Variants in DPYD observed in about 807,000 individuals in gnomAD.
DPYD encodes dihydropyrimidine dehydrogenase [NADP(+)].
A neutral mutation model predicts 116.2 loss-of-function variants in DPYD; 109 were observed. The ratio of observed to expected loss-of-function variants is 0.94; its 90% CI spans 0.80 to 1.10. The LOEUF (loss-of-function observed/expected upper bound fraction) is 1.10, where lower values mean the gene tolerates loss of function less well. Ranked by LOEUF, DPYD falls within the 50% of genes least tolerant of loss-of-function variation. The pLI is 0.00. For missense variants in DPYD, 1,302 were observed against 1,254.5 expected, an observed-to-expected ratio of 1.04 and a Z score of -0.57; for synonymous variants, 440 against 432.0, an observed-to-expected ratio of 1.02 and a Z score of -0.23.
chr1:97,248,028 G>A (rs761593006), intron 18 of DPYD, among the ~76,000 whole-genome samples: 5 of 152,142 alleles, frequency 3.3e-5, no homozygotes, highest in Non-Finnish European at 4.4e-5. Context: ...GTATAATCTT[G>A]ATATTGAAAC....
chr1:97,748,271 T>C lies in DPYD; in HGVS notation c.234-7792A>G, dbSNP rs1265621821. ...TTTGACCATGTAGAGATTAGTATAA[T>C]AGATAGATAGAATGAAGATAGATTA... On this transcript the variant is annotated intron_variant, in intron 3 of 22. Transcript: ENST00000370192. 2.6e-5 allele frequency among the ~76,000 whole-genome samples: 4 copies of C among 152,044 alleles called. No homozygotes were observed. In the East Asian group the frequency reaches 7.7e-4, roughly 29 times the overall value.
At chr1:97,101,899 T>C (rs1395847046) in intron 20 of DPYD, among the ~76,000 whole-genome samples, 1 of 151,978 alleles carries the variant, frequency 6.6e-6, no homozygotes, top group Non-Finnish European at 1.5e-5. Context: ...GATTCATCAT[T>C]GATGAATTTG....
At chr1:97,747,665 T>A (rs1571292326) in intron 3 of DPYD, among the ~76,000 whole-genome samples, 1 of 152,226 alleles carries the variant, frequency 6.6e-6, no homozygotes, top group African/African-American at 2.4e-5. Flanking sequence ...GTACATAGCA[T>A]ATATGCATGG....
At chr1:97,466,009 C>T (rs1570778706) in intron 13 of DPYD, among the ~76,000 whole-genome samples, 1 of 152,190 alleles carries the variant, frequency 6.6e-6, no homozygotes, top group East Asian at 1.9e-4. Flanking sequence ...GCTGAGGTGG[C>T]AGGATGGCTT....
chr1:97,869,530 T>C (rs1671557223), intron 2 of DPYD, among the ~76,000 whole-genome samples: 1 of 151,746 alleles, frequency 6.6e-6, no homozygotes, highest in Non-Finnish European at 1.5e-5. Flanking sequence ...AGCTCTTTGC[T>C]CTTTGCTCTC....
chr1:97,866,045 T>G (rs1671358136), intron 2 of DPYD, among the ~76,000 whole-genome samples: 1 of 152,052 alleles, frequency 6.6e-6, no homozygotes, highest in Admixed American at 6.6e-5. Context: ...TTTCTCTAAT[T>G]TGATAATAGA....
chr1:97,604,351 C>T (rs892093939), intron 8 of DPYD, among the ~76,000 whole-genome samples: 3 of 152,082 alleles, frequency 2.0e-5, no homozygotes, highest in Admixed American at 6.6e-5. Context: ...CATAAAATAG[C>T]TCTGTCATAC....
chr1:97,868,605 T>C (rs551348613), intron 2 of DPYD, among the ~76,000 whole-genome samples: 8 of 151,890 alleles, frequency 5.3e-5, no homozygotes, highest in African/African-American at 1.9e-4. Flanking sequence ...ATAATGTAGT[T>C]AGATTACCAT....
At chr1:97,378,749 T>C (rs1359468206) in intron 15 of DPYD, among the ~76,000 whole-genome samples, 1 of 152,160 alleles carries the variant, frequency 6.6e-6, no homozygotes, top group African/African-American at 2.4e-5. Flanking sequence ...GTGCTTGGAA[T>C]TGAGGATTAA....
At chr1:97,217,996 T>C (rs956031892) in intron 19 of DPYD, among the ~76,000 whole-genome samples, 1 of 152,166 alleles carries the variant, frequency 6.6e-6, no homozygotes, top group Non-Finnish European at 1.5e-5. Context: ...TTTATAGAGG[T>C]TAAATAATTA....
At chr1:97,555,580 A>T (rs544288636) in intron 11 of DPYD, among the ~76,000 whole-genome samples, 1 of 152,146 alleles carries the variant, frequency 6.6e-6, no homozygotes, top group Non-Finnish European at 1.5e-5. Context: ...CAAAACTTCT[A>T]TAGACTTGAC....
intron 12 of DPYD, among the ~76,000 whole-genome samples, chr1:97,531,969 C>T (rs1220722219): frequency 6.6e-6 from 1 of 151,938 alleles, no homozygotes; most frequent in African/African-American, 2.4e-5. Context: ...TGATTTGAAT[C>T]CTGCAACTTT....
At chr1:97,549,112 T>A (rs889559041) in intron 12 of DPYD, among the ~76,000 whole-genome samples, 7 of 152,012 alleles carry the variant, frequency 4.6e-5, no homozygotes, top group African/African-American at 1.7e-4. Flanking sequence ...GTTGTCCAGG[T>A]TGAAGTGCAA....
chr1:97,632,119 C>T (rs901887838), intron 8 of DPYD, among the ~76,000 whole-genome samples: 1 of 152,018 alleles, frequency 6.6e-6, no homozygotes, highest in Non-Finnish European at 1.5e-5. Flanking sequence ...GCATATCAAG[C>T]AGGTTTTCAT....
chr1:97,129,077 T>TCTTTCTTTTTTTTC (rs34774035), intron 20 of DPYD, among the ~76,000 whole-genome samples: 1 of 151,432 alleles, frequency 6.6e-6, no homozygotes, highest in Non-Finnish European at 1.5e-5. Flanking sequence ...TTCTTTTTTT[T>TCTTTCTTTTTTTTC]TTTTTTTTAT....
chr1:97,286,808 G>C (rs1378869394), intron 18 of DPYD, among the ~76,000 whole-genome samples: 1 of 152,144 alleles, frequency 6.6e-6, no homozygotes. Context: ...GGTTATTCTA[G>C]TTATACATTC....
intron 4 of DPYD, among the ~76,000 whole-genome samples, 165 bp from the exon 5 acceptor site, chr1:97,721,836 TAGC>T (rs1284109179): frequency 6.6e-6 from 1 of 151,742 alleles, no homozygotes; most frequent in African/African-American, 2.4e-5. Flanking sequence ...AATTAAAACT[TAGC>T]AGAGTATTTG....
intron 1 of DPYD, among the ~76,000 whole-genome samples, chr1:97,910,167 A>G (rs971875706): frequency 6.6e-6 from 1 of 152,124 alleles, no homozygotes; most frequent in Non-Finnish European, 1.5e-5. Flanking sequence ...TATTATCTGA[A>G]ATTACTGTAT....
At chr1:97,459,458 G>A (rs908469589) in intron 13 of DPYD, among the ~76,000 whole-genome samples, 2 of 151,964 alleles carry the variant, frequency 1.3e-5, no homozygotes, top group African/African-American at 2.4e-5. Context: ...AGGAAAATAC[G>A]TTTTTTAAAG....
Sources: allele counts gnomAD v4.1 joint callset (sites outside exome capture counted in the v4.1 genomes callset), GRCh38; gene constraint gnomAD v4.1.1; transcripts MANE v1.5; gene names NCBI Gene and HGNC (gene_info 2026-07-23, HGNC 2026-07-21).